The following ABCB1 variants were observed in gnomAD, a reference collection of about 807,000 sequenced individuals.
The protein encoded by ABCB1 is ATP-dependent translocase ABCB1.
ABCB1 carries 69 observed loss-of-function variants against 142.0 expected under a neutral mutation model. The ratio of observed to expected loss-of-function variants is 0.49; its 90% CI spans 0.40 to 0.59. ABCB1 has a LOEUF of 0.59. Ranked by LOEUF, ABCB1 falls within the 20% of genes least tolerant of loss-of-function variation. The probability of loss-of-function intolerance (pLI) is 0.00; values close to 1 mark genes in which losing one functional copy is unlikely to be tolerated. For missense variants in ABCB1, 1,326 were observed against 1,554.7 expected, an observed-to-expected ratio of 0.85 and a Z score of 2.47; for synonymous variants, 532 against 539.2, an observed-to-expected ratio of 0.99 and a Z score of 0.18.
At chr7:87,513,848 C>T (rs558194603) in intron 25 of ABCB1, among the ~76,000 whole-genome samples, 2 of 152,206 alleles carry the variant, frequency 1.3e-5, no homozygotes, top group African/African-American at 4.8e-5. Context: ...CTTTAACACA[C>T]CACTTAATAA....
chr7:87,509,966 G>C (rs754491241), intron 25 of ABCB1, among the ~76,000 whole-genome samples: 16 of 152,252 alleles, frequency 1.1e-4, no homozygotes, highest in Middle Eastern at 3.4e-3. Context: ...AGCCACTGCT[G>C]GTTTTGAAAA....
At chr7:87,537,328 A>C (rs1361319861) in intron 19 of ABCB1, among the ~76,000 whole-genome samples, 4 of 152,240 alleles carry the variant, frequency 2.6e-5, no homozygotes, top group Non-Finnish European at 5.9e-5. Context: ...CCTGTGAGCT[A>C]CAGGCAGCCT....
chr7:87,700,665 A>G (rs1828951444), intron 1 of ABCB1: 1 of 945,550 alleles, frequency 1.1e-6, no homozygotes, highest in Non-Finnish European at 1.6e-6. Flanking sequence ...TAAGAAGCAT[A>G]ATAAAATACG....
chr7:87,665,193 T>TA (rs1825104163), intron 1 of ABCB1, among the ~76,000 whole-genome samples: 1 of 152,118 alleles, frequency 6.6e-6, no homozygotes. Context: ...CTTACATGTA[T>TA]AAGAACCTAA....
intron 1 of ABCB1, among the ~76,000 whole-genome samples, chr7:87,698,374 G>A (rs909277501): frequency 9.9e-5 from 15 of 152,146 alleles, no homozygotes; most frequent in Admixed American, 1.3e-4. Flanking sequence ...GATTACAGGC[G>A]TGAGCCACCG....
chr7:87,670,508 T>TAA, intron 1 of ABCB1, among the ~76,000 whole-genome samples: 1 of 152,204 alleles, frequency 6.6e-6, no homozygotes, highest in South Asian at 2.1e-4. Context: ...AAAACTCTTG[T>TAA]TGGGGAATGG....
At chr7:87,667,185 T>G (rs1241080732) in intron 1 of ABCB1, among the ~76,000 whole-genome samples, 2 of 152,116 alleles carry the variant, frequency 1.3e-5, no homozygotes, top group African/African-American at 4.8e-5. Flanking sequence ...GTAATTCTCA[T>G]TGTAGAGATT....
chr7:87,536,330 C>G, intron 20 of ABCB1, 128 bp downstream of exon 20: 1 of 808,216 alleles, frequency 1.2e-6, no homozygotes, highest in Non-Finnish European at 2.1e-6. Context: ...GTGATATATT[C>G]GTAGGTTAGA....
chr7:87,693,998 C>G (rs760487690), intron 1 of ABCB1: 1 of 1,606,148 alleles, frequency 6.2e-7, no homozygotes, highest in Non-Finnish European at 8.5e-7. Context: ...CTGAGCTGCA[C>G]GGGAGCATGG....
Position 87,549,978 on chromosome 7 carries a change from T to C in ABCB1, c.1427A>G (p.Glu476Gly). 6.2e-7 allele frequency: 1 copy of C among 1,614,218 alleles called. No homozygotes were observed. Residue 476 changes from glutamate (E) to glycine (G), a missense_variant, in exon 13 of 28, where the codon GAA becomes GGA. By Grantham distance (98) the Glu-to-Gly change is moderately conservative. Coordinates refer to ENST00000622132, the MANE Select transcript of ABCB1 (RefSeq NM_001348946.2). The stretch of plus-strand genomic sequence containing the variant: ...TATCGTGGTGGCAAACAATACAGGT[T>C]CCTGACTCACCACACCAATGATTTC... ...LREIIGVVSQ[E>G]PVLFATTIAE... is the part of the protein sequence containing the mutation.
chr7:87,704,491 A>G (rs967534736), intron 1 of ABCB1, among the ~76,000 whole-genome samples: 4 of 152,232 alleles, frequency 2.6e-5, no homozygotes, highest in Non-Finnish European at 5.9e-5. Context: ...GAAGTTAACA[A>G]AGTTTAGAAA....
chr7:87,549,397 G>A lies in ABCB1; in HGVS notation c.1676C>T (p.Ser559Leu). The part of the protein sequence containing the change: ...PKILLLDEAT[S>L]ALDTESEAVV... ...TGCTTCGCTTTCTGTGTCCAAGGCTGACGTGGCCTCATCCAGCAGGAGGAT... is the reference window on the plus strand; with the variant it reads ...TGCTTCGCTTTCTGTGTCCAAGGCTAACGTGGCCTCATCCAGCAGGAGGAT... Residue 559 changes from serine (S) to leucine (L), a missense_variant, in exon 14 of 28, where the codon TCA becomes TTA. By Grantham distance (145) the Ser-to-Leu change is moderately radical (BLOSUM62 -2). Coordinates refer to ENST00000622132, the MANE Select transcript of ABCB1 (RefSeq NM_001348946.2). The A allele has an allele frequency of 6.2e-7, 1 of 1,614,136 alleles. No homozygotes were observed. The highest frequency in any genetic ancestry group is 8.5e-7 in the Non-Finnish European group (1 of 1,180,026).
chr7:87,509,913 G>T (rs1424709531), intron 25 of ABCB1, among the ~76,000 whole-genome samples: 1 of 152,160 alleles, frequency 6.6e-6, no homozygotes, highest in Non-Finnish European at 1.5e-5. Flanking sequence ...AGAAGAAGGA[G>T]GGAGAAGAGT....
intron 1 of ABCB1, among the ~76,000 whole-genome samples, chr7:87,647,991 T>C (rs1440377956): frequency 6.6e-6 from 1 of 151,996 alleles, no homozygotes; most frequent in African/African-American, 2.4e-5. Context: ...GAGACCATCC[T>C]GGCTAACATG....
chr7:87,524,675 T>G (rs891061488), intron 21 of ABCB1, among the ~76,000 whole-genome samples: 1 of 151,978 alleles, frequency 6.6e-6, no homozygotes, highest in Non-Finnish European at 1.5e-5. Context: ...ACATGGCACA[T>G]GTATACATAT....
intron 7 of ABCB1, among the ~76,000 whole-genome samples, chr7:87,564,386 G>A (rs552702950): frequency 6.6e-6 from 1 of 152,052 alleles, no homozygotes; most frequent in Admixed American, 6.5e-5. Context: ...GGGAGTGAAA[G>A]TGGTTTTTCA....
intron 1 of ABCB1, among the ~76,000 whole-genome samples, chr7:87,699,658 G>C (rs1585135837): frequency 6.6e-6 from 1 of 152,138 alleles, no homozygotes; most frequent in Non-Finnish European, 1.5e-5. Context: ...CACCCACCTT[G>C]GCCTTCCAAA....
At chr7:87,672,662 A>T (rs1158676771) in intron 1 of ABCB1, among the ~76,000 whole-genome samples, 1 of 152,126 alleles carries the variant, frequency 6.6e-6, no homozygotes, top group Admixed American at 6.5e-5. Flanking sequence ...CCAAGACTCC[A>T]TGTAGCTCTG....
chr7:87,566,629 A>G (rs1022954012), intron 6 of ABCB1, among the ~76,000 whole-genome samples, 156 bp downstream of exon 6: 3 of 152,206 alleles, frequency 2.0e-5, no homozygotes, highest in African/African-American at 7.2e-5. Flanking sequence ...TGGGAACAAA[A>G]GGATGCACAC....
Sources: gnomAD v4.1 joint callset for allele counts (sites outside exome capture counted in the v4.1 genomes callset) on GRCh38, gnomAD v4.1.1 for gene constraint, MANE v1.5 for transcripts, NCBI Gene and HGNC (gene_info 2026-07-23, HGNC 2026-07-21) for gene names.